SLF1: variants seen among roughly 807,000 people sequenced by gnomAD.
SLF1 encodes the protein SMC5/6 complex localization factor 1.
Under a neutral mutation model 123.0 loss-of-function variants are expected in SLF1, and 105 were observed. The ratio of observed to expected loss-of-function variants is 0.85; its 90% CI spans 0.73 to 1.00. The LOEUF (loss-of-function observed/expected upper bound fraction) is 1.00, where lower values mean the gene tolerates loss of function less well. SLF1 is among the 50% of genes least tolerant of loss of function. The pLI is 0.00. For synonymous variants in SLF1, 434 were observed against 406.6 expected, an observed-to-expected ratio of 1.07 and a Z score of -0.81; for missense variants, 1,239 against 1,223.0, an observed-to-expected ratio of 1.01 and a Z score of -0.20.
intron 4 of SLF1, among the ~76,000 whole-genome samples, chr5:94,637,560 G>A (rs987002904): frequency 1.3e-5 from 2 of 152,012 alleles, no homozygotes; most frequent in African/African-American, 4.8e-5. Context: ...TGCTTAAGAT[G>A]GATGGGCCTA....
At chr5:94,665,708 G>A (rs1358169193) in intron 11 of SLF1, among the ~76,000 whole-genome samples, 153 bp from the exon 12 acceptor site, 6 of 152,162 alleles carry the variant, frequency 3.9e-5, no homozygotes, top group African/African-American at 1.2e-4. Flanking sequence ...AGCCAAGATC[G>A]TGCCACTGCA....
chr5:94,644,912 A>C (rs1030390883), intron 5 of SLF1, among the ~76,000 whole-genome samples: 1 of 152,184 alleles, frequency 6.6e-6, no homozygotes, highest in Non-Finnish European at 1.5e-5. Context: ...ATGGGTTCTC[A>C]ATCAATATTT....
chr5:94,674,359 C>T (rs997937047), intron 14 of SLF1, among the ~76,000 whole-genome samples: 1 of 152,098 alleles, frequency 6.6e-6, no homozygotes, highest in African/African-American at 2.4e-5. Flanking sequence ...TAAATAAAAG[C>T]AACATATGTG....
At chr5:94,692,995 T>C (rs555594111) in intron 20 of SLF1, among the ~76,000 whole-genome samples, 97 of 152,186 alleles carry the variant, frequency 6.4e-4, no homozygotes, top group Non-Finnish European at 1.2e-3. Context: ...AGAAAACTGA[T>C]GACCAGCTTA....
At chr5:94,688,712 C>A in intron 17 of SLF1, 43 bp downstream of exon 17, 1 of 1,596,756 alleles carries the variant, frequency 6.3e-7, no homozygotes, top group Non-Finnish European at 8.6e-7. Flanking sequence ...TTTTGGAGTA[C>A]AGCTCTTTCT....
chr5:94,651,182 G>A (rs997748568), intron 6 of SLF1, among the ~76,000 whole-genome samples: 2 of 152,140 alleles, frequency 1.3e-5, no homozygotes, highest in African/African-American at 2.4e-5. Flanking sequence ...ACTTAGGAGC[G>A]ATAGACCATA....
At chr5:94,646,860 A>G (rs1483038069) in intron 5 of SLF1, among the ~76,000 whole-genome samples, 1 of 152,148 alleles carries the variant, frequency 6.6e-6, no homozygotes, top group Non-Finnish European at 1.5e-5. Flanking sequence ...AATTATTACT[A>G]TTACTACCTT....
chr5:94,621,852 C>A (rs1791817557), intron 1 of SLF1, among the ~76,000 whole-genome samples: 1 of 151,542 alleles, frequency 6.6e-6, no homozygotes, highest in African/African-American at 2.4e-5. Flanking sequence ...AGTCTCATCA[C>A]TGGATGCTTC....
chr5:94,669,494 T>C (rs974430572), intron 12 of SLF1, among the ~76,000 whole-genome samples: 2 of 152,112 alleles, frequency 1.3e-5, no homozygotes, highest in Admixed American at 6.5e-5. Context: ...AAATATATTA[T>C]AGAAGTGTGC....
intron 4 of SLF1, among the ~76,000 whole-genome samples, chr5:94,635,598 T>C (rs1050170383): frequency 1.3e-5 from 2 of 152,040 alleles, no homozygotes; most frequent in Non-Finnish European, 2.9e-5. Flanking sequence ...GTGTATCTAG[T>C]AGAGATTTTC....
chr5:94,638,316 C>CTACAGG (rs569722137), intron 4 of SLF1, among the ~76,000 whole-genome samples: 1 of 152,076 alleles, frequency 6.6e-6, no homozygotes, highest in Non-Finnish European at 1.5e-5. Flanking sequence ...GTAGCTGGAA[C>CTACAGG]TACAGGTGCC....
chr5:94,647,837 C>T (rs1747241193), intron 5 of SLF1, among the ~76,000 whole-genome samples: 1 of 152,046 alleles, frequency 6.6e-6, no homozygotes, highest in Non-Finnish European at 1.5e-5. Context: ...AATGTTATAC[C>T]TTCTGTATCA....
intron 15 of SLF1, among the ~76,000 whole-genome samples, chr5:94,680,787 T>C (rs1751671370): frequency 6.6e-6 from 1 of 152,214 alleles, no homozygotes; most frequent in African/African-American, 2.4e-5. Context: ...CCCTTCGCTT[T>C]AAAGCAGGAC....
At chr5:94,633,813 C>T (rs1204835837) in intron 4 of SLF1, among the ~76,000 whole-genome samples, 2 of 152,124 alleles carry the variant, frequency 1.3e-5, no homozygotes, top group Admixed American at 1.3e-4. Flanking sequence ...TTAATTTTCT[C>T]TATTGTTTGT....
At position 94,695,131 on chromosome 5, in the gene SLF1, C is replaced by T; in HGVS notation, c.2996C>T (p.Thr999Ile). The T allele has an allele frequency of 6.2e-7, 1 of 1,607,748 alleles. No individual in the cohort carries two copies. The highest frequency in any genetic ancestry group is 2.3e-5 in the East Asian group (1 of 44,366). The change falls in exon 21 of 21, where the codon ACC becomes ATC. Residue 999 changes from threonine to isoleucine, a missense_variant. Transcript: ENST00000265140. ...LLMACKSHKE[T>I]TSVHTDWLLD... ...ATGGCTTGTAAAAGTCATAAAGAAACCACCAGTGTTCATACTGACTGGTTA... is the reference window on the plus strand; with the variant it reads ...ATGGCTTGTAAAAGTCATAAAGAAATCACCAGTGTTCATACTGACTGGTTA...
Position 94,663,841 on chromosome 5 carries a change from C to G in SLF1, c.1301C>G (p.Ser434Cys). 6.4e-7 allele frequency: 1 copy of G among 1,550,974 alleles called. No homozygotes were observed. Residue 434 changes from serine to cysteine, a missense_variant, in exon 11 of 21, where the codon TCC becomes TGC. Transcript: ENST00000265140. Reference protein sequence around the residue: ...HFFKEAIEELSTLQAHYIPPV... With the variant: ...HFFKEAIEELCTLQAHYIPPV... ...TTTAAAGAAGCAATTGAGGAACTTTCCACTTTGCAGGCACATTATATCCCT... is the reference window on the plus strand; with the variant it reads ...TTTAAAGAAGCAATTGAGGAACTTTGCACTTTGCAGGCACATTATATCCCT...
intron 10 of SLF1, among the ~76,000 whole-genome samples, chr5:94,662,816 G>A (rs1749290088): frequency 6.6e-6 from 1 of 152,156 alleles, no homozygotes; most frequent in Non-Finnish European, 1.5e-5. Flanking sequence ...TGAGGCCCTT[G>A]TTTCCTTGTT....
chr5:94,692,246 A>G lies in SLF1; in HGVS notation c.2685A>G (p.Leu895=), dbSNP rs369130394. The part of the protein sequence containing the change: ...NGHVEIGKLL[L]QHGGPVLLQQ... ...ATGTAGAAATTGGCAAGCTGCTACTACAGCATGGGGGTGAGTGTGTTTATG... is the reference window on the plus strand; with the variant it reads ...ATGTAGAAATTGGCAAGCTGCTACTGCAGCATGGGGGTGAGTGTGTTTATG... Residue 895 remains leucine (L), a synonymous_variant, in exon 20 of 21, where the codon CTA becomes CTG. Coordinates refer to ENST00000265140, the MANE Select transcript of SLF1 (RefSeq NM_032290.4). The G allele has an allele frequency of 6.8e-6, 11 of 1,613,432 alleles. No homozygotes were observed. The highest frequency in any genetic ancestry group is 1.7e-4 in the Middle Eastern group (1 of 6,058).
chr5:94,665,890 C>T lies in SLF1; in HGVS notation c.1398C>T (p.Tyr466=), dbSNP rs1477895731. The change falls in exon 12 of 21, where the codon TAC becomes TAT. Residue 466 remains tyrosine (Y), a synonymous_variant. Transcript: ENST00000265140. The part of the protein sequence containing the change: ...QDNIDTFSGR[Y]FHILSALLHL... ...ACATAGATACATTTTCTGGTCGATA[C>T]TTTCATATATTGTCAGCTCTTCTTC... 1.9e-6 allele frequency: 3 copies of T among 1,547,966 alleles called. No homozygotes were observed. The highest frequency in any genetic ancestry group is 2.6e-6 in the Non-Finnish European group (3 of 1,143,776).
Sources: allele counts gnomAD v4.1 joint callset (sites outside exome capture counted in the v4.1 genomes callset), GRCh38; gene constraint gnomAD v4.1.1; transcripts MANE v1.5; gene names NCBI Gene and HGNC (gene_info 2026-07-23, HGNC 2026-07-21).